Variants in WDR11 observed in about 807,000 individuals in gnomAD.
WDR11 encodes WD repeat domain 11.
Under a neutral mutation model 151.2 loss-of-function variants are expected in WDR11, and 83 were observed. The ratio of observed to expected loss-of-function variants is 0.55; its 90% CI spans 0.46 to 0.66. The LOEUF is 0.66. WDR11 is among the 30% of genes least tolerant of loss of function. WDR11 has a pLI of 0.00. For synonymous variants in WDR11, 484 were observed against 533.1 expected (o/e 0.91, Z 1.27); for missense variants, 1,301 against 1,480.9 (o/e 0.88, Z 1.99).
chr10:120,862,670 T>C, intron 4 of WDR11, 65 bp from the exon 5 acceptor site: 1 of 1,514,648 alleles, frequency 6.6e-7, no homozygotes, highest in Non-Finnish European at 9.2e-7. Context: ...CAAAATTGTA[T>C]TGGAATAAAA....
chr10:120,869,209 C>A (rs976509490), intron 9 of WDR11, among the ~76,000 whole-genome samples: 1 of 145,926 alleles, frequency 6.9e-6, no homozygotes, highest in Admixed American at 7.0e-5. Context: ...CTCCCGGGTT[C>A]ACGCCATTCT....
At chr10:120,853,433 T>A (rs967511728) in intron 2 of WDR11, among the ~76,000 whole-genome samples, 5 of 152,022 alleles carry the variant, frequency 3.3e-5, no homozygotes, top group African/African-American at 4.8e-5. Flanking sequence ...GCCCAGCTAA[T>A]TTTTTGTATT....
At chr10:120,902,227 G>T (rs376450473) in intron 21 of WDR11, 30 bp from the exon 22 acceptor site, 117 of 1,605,116 alleles carry the variant, frequency 7.3e-5, no homozygotes, top group Non-Finnish European at 1.0e-4. Context: ...GAAAACTTTT[G>T]TCTCACTTTT....
intron 20 of WDR11, 35 bp from the exon 21 acceptor site, chr10:120,901,001 A>C: frequency 5.0e-6 from 7 of 1,398,904 alleles, no homozygotes; most frequent in Non-Finnish European, 7.1e-6. Flanking sequence ...TTAAGTGAAG[A>C]GATAATGAAC....
Position 120,880,820 on chromosome 10 carries a change from T to C in WDR11, c.1664-6T>C, listed in dbSNP as rs1261512726. ...TTCTCACTTTTTTAAATATTTGCAA[T>C]TAAAGGTAGGAGCATTGCTTTTCGT... On this transcript the variant is annotated splice_region_variant and splice_polypyrimidine_tract_variant and intron_variant, in intron 12 of 28. Transcript: ENST00000263461. The C allele has an allele frequency of 6.3e-7, 1 of 1,598,516 alleles. No homozygotes were observed. The highest frequency in any genetic ancestry group is 8.5e-7 in the Non-Finnish European group (1 of 1,169,828).
chr10:120,880,464 A>G (rs1459277883), intron 12 of WDR11: 3 of 238,108 alleles, frequency 1.3e-5, no homozygotes, highest in Non-Finnish European at 1.7e-5. Flanking sequence ...GATCGAGACC[A>G]GCCTGGCCAA....
chr10:120,856,845 T>C (rs989949583), intron 2 of WDR11, among the ~76,000 whole-genome samples: 5 of 152,076 alleles, frequency 3.3e-5, no homozygotes, highest in African/African-American at 1.2e-4. Context: ...TTCTTGTTAT[T>C]TGTGGTAGCT....
At chr10:120,906,090 T>C (rs1848031675) in intron 27 of WDR11, 69 bp downstream of exon 27, 1 of 1,611,674 alleles carries the variant, frequency 6.2e-7, no homozygotes, top group African/African-American at 1.3e-5. Flanking sequence ...CTCTCGCGGT[T>C]CTAGCAGGTC....
chr10:120,901,133 A>T (rs112028777), intron 21 of WDR11, 35 bp downstream of exon 21: 18 of 1,529,516 alleles, frequency 1.2e-5, no homozygotes, highest in African/African-American at 1.1e-4. Flanking sequence ...AGATAGGAAT[A>T]TGAGAAAGAA....
chr10:120,893,286 T>C (rs1847490397), intron 19 of WDR11, among the ~76,000 whole-genome samples: 1 of 151,974 alleles, frequency 6.6e-6, no homozygotes, highest in South Asian at 2.1e-4. Context: ...GTCCTTTTGA[T>C]AGTTTGCTGA....
At chr10:120,897,778 C>T (rs538194736) in intron 19 of WDR11, among the ~76,000 whole-genome samples, 47 of 151,976 alleles carry the variant, frequency 3.1e-4, no homozygotes, top group African/African-American at 8.9e-4. Context: ...TGACTGGACC[C>T]GATTTTTAAA....
intron 27 of WDR11, 94 bp from the exon 28 acceptor site, chr10:120,906,682 G>A: frequency 6.2e-7 from 1 of 1,607,718 alleles, no homozygotes; most frequent in Non-Finnish European, 8.5e-7. Context: ...AGGTTTCCAG[G>A]GAAAATGTGT....
chr10:120,865,606 A>G (rs921650147), intron 6 of WDR11, 24 bp from the exon 7 acceptor site: 41 of 1,469,350 alleles, frequency 2.8e-5, no homozygotes, highest in African/African-American at 4.2e-5. Context: ...TGTTTTAAAA[A>G]ATAAATATAT....
intron 14 of WDR11, 70 bp from the exon 15 acceptor site, chr10:120,885,744 A>G: frequency 6.3e-7 from 1 of 1,599,154 alleles, no homozygotes; most frequent in Non-Finnish European, 8.5e-7. Flanking sequence ...GTGTGTGCCC[A>G]GCTCTTCTGG....
rs1198993588 is a variant in WDR11 at position 120,908,511 on chromosome 10, T to C, written c.3518-45T>C. 7 of 1,606,882 alleles carry C rather than the reference T, an allele frequency of 4.4e-6. No individual in the cohort carries two copies. The Admixed American group carries it at 6.7e-5, about 15-fold the overall frequency. On this transcript the variant is annotated intron_variant, in intron 28 of 28. Transcript: ENST00000263461. ...TGCTTCTGGGAGCCTGTGAAGAGTC[T>C]CATCACAGCCCTTTTTACTCTTCTT...
chr10:120,887,360 A>T (rs1847257437), intron 16 of WDR11, among the ~76,000 whole-genome samples: 1 of 152,206 alleles, frequency 6.6e-6, no homozygotes, highest in African/African-American at 2.4e-5. Context: ...GCCATTAATC[A>T]TTTGTGTCAG....
At chr10:120,887,055 G>A (rs535228848) in intron 16 of WDR11, among the ~76,000 whole-genome samples, 3 of 152,210 alleles carry the variant, frequency 2.0e-5, no homozygotes, top group African/African-American at 7.2e-5. Flanking sequence ...TTTTATCCCT[G>A]TAATAATCCA....
In WDR11 at chr10:120,883,416, T is replaced by C. The variant is rs147467143; in HGVS notation, c.1740-364T>C. 2.9e-3 allele frequency among the ~76,000 whole-genome samples: 437 copies of C among 152,268 alleles called. 11 individuals are homozygous for C. The East Asian group carries it at 0.052, about 18-fold the overall frequency. On this transcript the variant is annotated intron_variant, in intron 13 of 28. Coordinates refer to ENST00000263461, the MANE Select transcript of WDR11 (RefSeq NM_018117.12). ...GATAGAAACTTTACATACTTTTTCATTGAATGTTTACCATAATCTGTATAT... is the reference window on the plus strand; with the variant it reads ...GATAGAAACTTTACATACTTTTTCACTGAATGTTTACCATAATCTGTATAT...
rs753517744 is a variant in WDR11, at chr10:120,889,063, G to C, written c.2122-15G>C. 2 of 1,550,070 alleles carry C rather than the reference G, an allele frequency of 1.3e-6. No individual in the cohort carries two copies. Among genetic ancestry groups the C allele is most frequent in the Non-Finnish European group, 1.8e-6 (2 of 1,121,988 alleles). On this transcript the variant is annotated splice_polypyrimidine_tract_variant and intron_variant, in intron 16 of 28. Transcript: ENST00000263461. Reference sequence around the variant, plus strand: ...ATAGTGAAATTTATATTTGTTTGTTGCTGTTGTTTTCTAGGGAAGTATGGG... The same window carrying C: ...ATAGTGAAATTTATATTTGTTTGTTCCTGTTGTTTTCTAGGGAAGTATGGG...
Sources: gnomAD v4.1 joint callset for allele counts (sites outside exome capture counted in the v4.1 genomes callset) on GRCh38, gnomAD v4.1.1 for gene constraint, MANE v1.5 for transcripts, NCBI Gene and HGNC (gene_info 2026-07-23, HGNC 2026-07-21) for gene names.